Variants in OPCML observed in about 807,000 individuals in gnomAD.
OPCML encodes opioid-binding protein/cell adhesion molecule.
A neutral mutation model predicts 37.8 loss-of-function variants in OPCML; 13 were observed. The ratio of observed to expected loss-of-function variants is 0.34; its 90% CI spans 0.22 to 0.55. OPCML has a LOEUF of 0.55. Ranked by LOEUF, OPCML falls within the 20% of genes least tolerant of loss-of-function variation. The probability of loss-of-function intolerance (pLI) is 0.91; values close to 1 mark genes in which losing one functional copy is unlikely to be tolerated. For synonymous variants in OPCML, 176 were observed against 168.8 expected, an observed-to-expected ratio of 1.04 and a Z score of -0.33; for missense variants, 341 against 435.6, an observed-to-expected ratio of 0.78 and a Z score of 1.93.
intron 1 of OPCML, among the ~76,000 whole-genome samples, chr11:133,262,116 G>A (rs778682391): frequency 6.6e-5 from 10 of 151,932 alleles, no homozygotes; most frequent in African/African-American, 1.7e-4. Context: ...TTTGATGTAC[G>A]GCATGATGTT....
intron 4 of OPCML, among the ~76,000 whole-genome samples, chr11:132,526,179 C>T (rs2096307898): frequency 6.6e-6 from 1 of 152,138 alleles, no homozygotes; most frequent in Non-Finnish European, 1.5e-5. Context: ...AGGACATTTA[C>T]ACAAAGTTAA....
intron 3 of OPCML, among the ~76,000 whole-genome samples, chr11:132,607,858 A>G (rs1348743955): frequency 6.6e-6 from 1 of 152,194 alleles, no homozygotes; most frequent in Non-Finnish European, 1.5e-5. Context: ...AGAGAAGAGT[A>G]GGAGGGAGTG....
intron 1 of OPCML, among the ~76,000 whole-genome samples, chr11:133,333,034 GTAGTAGTAGTAC>G (rs1244460011): frequency 6.6e-6 from 1 of 151,502 alleles, no homozygotes; most frequent in Non-Finnish European, 1.5e-5. Context: ...TCTTTTAGTA[GTAGTAGTAGTAC>G]TAGTAGTAGT....
At position 132,709,384 on chromosome 11, in the gene OPCML, A is replaced by G. The variant is rs560889081; in HGVS notation, c.147-52065T>C. On this transcript the variant is annotated intron_variant, in intron 2 of 7. Coordinates refer to ENST00000524381, the MANE Select transcript of OPCML (RefSeq NM_001012393.5). ...TAAAAACCATGGTACAATAATCAAAACTAAGATATGAACACTGGTGCAATA... is the reference window on the plus strand; with the variant it reads ...TAAAAACCATGGTACAATAATCAAAGCTAAGATATGAACACTGGTGCAATA... Among the ~76,000 whole-genome samples the G allele has an allele frequency of 2.8e-4, 43 of 152,310 alleles. 1 individual carries two copies. The South Asian group carries it at 8.7e-3, about 31-fold the overall frequency.
chr11:133,309,523 T>C (rs1386944220), intron 1 of OPCML, among the ~76,000 whole-genome samples: 2 of 152,168 alleles, frequency 1.3e-5, no homozygotes, highest in African/African-American at 4.8e-5. Flanking sequence ...CTAAATGCAA[T>C]GTGGGATCCT....
In OPCML at chr11:132,457,616, G is replaced by C. The variant is rs148798669; in HGVS notation, c.506-20257C>G. On this transcript the variant is annotated intron_variant, in intron 4 of 7. Transcript: ENST00000524381. ...CTGTGAAGACATGCCAAAGCAATAA[G>C]ACCTCCATCCACTAAAAAGTGCTGA... Among the ~76,000 whole-genome samples the C allele has an allele frequency of 2.3e-3, 346 of 152,248 alleles. 7 individuals carry two copies. The East Asian group carries it at 0.051, about 22-fold the overall frequency.
intron 1 of OPCML, among the ~76,000 whole-genome samples, chr11:133,100,949 G>C (rs1949076454): frequency 6.6e-6 from 1 of 152,148 alleles, no homozygotes; most frequent in Admixed American, 6.6e-5. Context: ...TTTTTGAACG[G>C]AGTCTTGCTC....
intron 1 of OPCML, among the ~76,000 whole-genome samples, chr11:133,230,536 C>A (rs1300527060): frequency 6.6e-6 from 1 of 152,196 alleles, no homozygotes; most frequent in African/African-American, 2.4e-5. Flanking sequence ...CTCTAGTCCC[C>A]CACCACACCC....
intron 1 of OPCML, among the ~76,000 whole-genome samples, chr11:133,077,299 G>C (rs955505239): frequency 9.9e-5 from 15 of 151,956 alleles, no homozygotes; most frequent in Non-Finnish European, 1.8e-4. Context: ...ATCACACGGA[G>C]TCAGGTTCAA....
At chr11:132,947,792 A>G (rs1326538854) in intron 1 of OPCML, among the ~76,000 whole-genome samples, 4 of 152,210 alleles carry the variant, frequency 2.6e-5, no homozygotes, top group Admixed American at 2.6e-4. Context: ...AAGACAAATT[A>G]ACATCATGAC....
chr11:132,905,479 T>C (rs1340897428), intron 2 of OPCML, among the ~76,000 whole-genome samples: 1 of 152,064 alleles, frequency 6.6e-6, no homozygotes, highest in South Asian at 2.1e-4. Flanking sequence ...GTGATTCACC[T>C]GCCTCGGCCT....
chr11:132,935,714 G>A (rs1024927316), intron 2 of OPCML, among the ~76,000 whole-genome samples: 5 of 152,186 alleles, frequency 3.3e-5, no homozygotes, highest in East Asian at 1.9e-4. Flanking sequence ...CAAGGCCTGC[G>A]CTCTCTGTGT....
rs555425835 is a variant in OPCML at position 133,211,972 on chromosome 11, G to T, written c.62-268962C>A. On this transcript the variant is annotated intron_variant, in intron 1 of 7. Coordinates refer to ENST00000524381, the MANE Select transcript of OPCML (RefSeq NM_001012393.5). This position sits in a 1 kb window ranked among gnomAD's most constrained non-coding sequence, Gnocchi z 4.1. ...TACTCAAACAAAGCCATGAACGCTG[G>T]GCTGTCAGATGGCAAGCCTAGTGCA... is the stretch of plus-strand genomic sequence containing the variant. 5.3e-5 allele frequency among the ~76,000 whole-genome samples: 8 copies of T among 152,208 alleles called. No homozygotes were observed. The South Asian group carries it at 1.7e-3, about 32-fold the overall frequency.
chr11:132,851,607 AAAAAG>A (rs1213647091), intron 2 of OPCML, among the ~76,000 whole-genome samples: 3 of 152,218 alleles, frequency 2.0e-5, no homozygotes, highest in African/African-American at 7.2e-5. Context: ...TTTGTAACTT[AAAAAG>A]AAAAGAAGAA....
At chr11:133,204,445 T>G (rs1938944697) in intron 1 of OPCML, among the ~76,000 whole-genome samples, 1 of 152,132 alleles carries the variant, frequency 6.6e-6, no homozygotes, top group Admixed American at 6.5e-5. Flanking sequence ...AGAAGGATGT[T>G]ATGATATCTG....
At chr11:133,351,149 A>ATT (rs1944128125) in intron 1 of OPCML, among the ~76,000 whole-genome samples, 1 of 152,240 alleles carries the variant, frequency 6.6e-6, no homozygotes, top group Non-Finnish European at 1.5e-5. Flanking sequence ...CGGTTATTTT[A>ATT]GGAACAGCAA....
chr11:133,238,809 C>T (rs1940619993), intron 1 of OPCML, among the ~76,000 whole-genome samples: 1 of 152,220 alleles, frequency 6.6e-6, no homozygotes, highest in Non-Finnish European at 1.5e-5. Flanking sequence ...TTAATATTTG[C>T]AAAGTGCTTT....
At chr11:132,700,222 C>A (rs1943753852) in intron 2 of OPCML, among the ~76,000 whole-genome samples, 1 of 151,758 alleles carries the variant, frequency 6.6e-6, no homozygotes, top group African/African-American at 2.4e-5. Flanking sequence ...AAAGGTTAGT[C>A]ACTCTTGTTT....
chr11:133,079,370 C>T (rs757809095), intron 1 of OPCML, among the ~76,000 whole-genome samples: 6 of 152,078 alleles, frequency 3.9e-5, no homozygotes, highest in Non-Finnish European at 8.8e-5. Context: ...CACAGGGGGA[C>T]CCACATTTTT....
Sources: gnomAD v4.1 joint callset for allele counts (sites outside exome capture counted in the v4.1 genomes callset) on GRCh38, gnomAD v4.1.1 for gene constraint, Gnocchi (gnomAD v3.1) non-coding constraint, MANE v1.5 for transcripts, NCBI Gene and HGNC (gene_info 2026-07-23, HGNC 2026-07-21) for gene names.